The following PTPRD variants were observed in gnomAD, a reference collection of about 807,000 sequenced individuals.
PTPRD encodes the protein receptor-type tyrosine-protein phosphatase delta.
In PTPRD, 34 loss-of-function variants were observed where a neutral mutation model predicts 214.5. The observed-to-expected ratio is 0.16, with a 90% CI of 0.12 to 0.21. The LOEUF is 0.21. PTPRD is among the 10% of genes least tolerant of loss of function. The pLI is 1.00. For synonymous variants in PTPRD, 1,128 were observed against 845.7 expected (o/e 1.33, Z -5.79); for missense variants, 2,545 against 2,398.7 (o/e 1.06, Z -1.27).
intron 14 of PTPRD, among the ~76,000 whole-genome samples, chr9:8,575,985 C>A (rs2092300198): frequency 6.6e-6 from 1 of 152,160 alleles, no homozygotes; most frequent in Non-Finnish European, 1.5e-5. Flanking sequence ...GGTCAGTTTA[C>A]ATTTACAAAT....
intron 5 of PTPRD, among the ~76,000 whole-genome samples, chr9:9,936,299 A>C (rs1422019629): frequency 1.3e-4 from 19 of 151,698 alleles, no homozygotes; most frequent in African/African-American, 4.4e-4. Flanking sequence ...GCAACCTAAA[A>C]AATGGGAGAA....
In PTPRD at chr9:9,831,937, G is replaced by T. The variant is rs149097743; in HGVS notation, c.-367-65086C>A. Among the ~76,000 whole-genome samples, 1,418 of 152,020 alleles carry T rather than the reference G, an allele frequency of 9.3e-3. 12 individuals are homozygous for T. The highest frequency in any genetic ancestry group is 0.012 in the Non-Finnish European group (839 of 67,930). On this transcript the variant is annotated intron_variant, in intron 5 of 45. Coordinates refer to ENST00000381196, the MANE Select transcript of PTPRD (RefSeq NM_002839.4). ...GGTTGGCAAAAATGTGGACCCAACCGCGAATCTCATTAAGTGGCATTTCAA... is the reference window on the plus strand; with the variant it reads ...GGTTGGCAAAAATGTGGACCCAACCTCGAATCTCATTAAGTGGCATTTCAA...
intron 9 of PTPRD, among the ~76,000 whole-genome samples, chr9:9,268,489 T>G (rs2132598940): frequency 6.6e-6 from 1 of 151,334 alleles, no homozygotes; most frequent in African/African-American, 2.4e-5. Flanking sequence ...TCCAATGGCA[T>G]TTTCCACAGA....
intron 2 of PTPRD, among the ~76,000 whole-genome samples, chr9:10,460,461 T>TC (rs2098950587): frequency 6.6e-6 from 1 of 151,650 alleles, no homozygotes; most frequent in African/African-American, 2.4e-5. Context: ...ACATCATACT[T>TC]CCTGATTCAA....
At chr9:10,003,638 G>A (rs575499974) in intron 4 of PTPRD, among the ~76,000 whole-genome samples, 2 of 151,540 alleles carry the variant, frequency 1.3e-5, no homozygotes, top group Non-Finnish European at 3.0e-5. Context: ...AACCCAATAA[G>A]ATTAATATTG....
intron 9 of PTPRD, among the ~76,000 whole-genome samples, chr9:9,318,058 C>G (rs1964276621): frequency 6.6e-6 from 1 of 151,968 alleles, no homozygotes; most frequent in Non-Finnish European, 1.5e-5. Flanking sequence ...GTAATCCCAG[C>G]TACTTGGGAA....
rs141020799 is a variant in PTPRD, at chr9:10,084,064, T to A, written c.-544-50274A>T. On this transcript the variant is annotated intron_variant, in intron 3 of 45. Transcript: ENST00000381196. ...AATCTCCTAAGCCTCTATATCCCAA[T>A]TTTAGAAACACAGTTAATAATAGGC... is the stretch of plus-strand genomic sequence containing the variant. Among the ~76,000 whole-genome samples the A allele has an allele frequency of 5.4e-3, 814 of 152,044 alleles. 10 individuals carry two copies. Among genetic ancestry groups the A allele is most frequent in the African/African-American group, 0.019 (778 of 41,528 alleles).
At chr9:8,660,512 T>C (rs1001417144) in intron 12 of PTPRD, among the ~76,000 whole-genome samples, 8 of 152,134 alleles carry the variant, frequency 5.3e-5, no homozygotes, top group African/African-American at 1.9e-4. Context: ...CTGAGTCTGC[T>C]TTATTGGTTA....
intron 17 of PTPRD, 119 bp downstream of exon 17, chr9:8,526,505 GAAA>G: frequency 1.6e-6 from 1 of 623,788 alleles, no homozygotes; most frequent in Non-Finnish European, 2.4e-6. Flanking sequence ...ACAGTACAAA[GAAA>G]AAAAAAAAGT....
intron 11 of PTPRD, among the ~76,000 whole-genome samples, chr9:8,754,110 A>C (rs185712463): frequency 6.6e-6 from 1 of 152,232 alleles, no homozygotes; most frequent in East Asian, 1.9e-4. Flanking sequence ...GCACCACTGC[A>C]CTCCAGCCTG....
At chr9:9,736,335 G>A (rs986744186) in intron 6 of PTPRD, among the ~76,000 whole-genome samples, 1 of 151,918 alleles carries the variant, frequency 6.6e-6, no homozygotes. Flanking sequence ...TCTTATTTAT[G>A]AGATTCATTC....
chr9:8,599,910 G>C (rs977414072), intron 14 of PTPRD, among the ~76,000 whole-genome samples: 1 of 152,058 alleles, frequency 6.6e-6, no homozygotes, highest in South Asian at 2.1e-4. Flanking sequence ...GAGCCACGGC[G>C]CCTGGCCGGC....
chr9:9,916,882 C>T (rs967375415), intron 5 of PTPRD, among the ~76,000 whole-genome samples: 5 of 151,636 alleles, frequency 3.3e-5, no homozygotes, highest in Admixed American at 6.6e-5. Context: ...TCCCATTGAT[C>T]ACAATAGAAT....
chr9:9,340,727 G>A (rs967850464), intron 9 of PTPRD, among the ~76,000 whole-genome samples: 1 of 152,160 alleles, frequency 6.6e-6, no homozygotes, highest in African/African-American at 2.4e-5. Context: ...CTTACTTATA[G>A]GAATTAATAC....
intron 5 of PTPRD, among the ~76,000 whole-genome samples, chr9:9,824,296 C>T (rs1177797669): frequency 2.6e-5 from 4 of 152,058 alleles, no homozygotes; most frequent in East Asian, 3.9e-4. Context: ...ACTATTTCTA[C>T]TTTCTTCATT....
intron 9 of PTPRD, among the ~76,000 whole-genome samples, chr9:9,238,571 G>T (rs931491869): frequency 1.3e-5 from 2 of 152,052 alleles, no homozygotes; most frequent in African/African-American, 4.8e-5. Context: ...GTCTTGACTG[G>T]AGGACACAGT....
At chr9:9,708,430 C>T (rs1027057223) in intron 7 of PTPRD, among the ~76,000 whole-genome samples, 1 of 152,034 alleles carries the variant, frequency 6.6e-6, no homozygotes, top group Non-Finnish European at 1.5e-5. Context: ...TCAGCCATGT[C>T]TCCTTGGGAG....
intron 3 of PTPRD, among the ~76,000 whole-genome samples, chr9:10,322,084 G>T (rs12376577): frequency 1.3e-5 from 2 of 151,794 alleles, no homozygotes; most frequent in Non-Finnish European, 2.9e-5. Flanking sequence ...TGAACCATCC[G>T]CATGAGGGTT....
chr9:10,582,457 T>C (rs2072255553), intron 2 of PTPRD, among the ~76,000 whole-genome samples: 1 of 152,206 alleles, frequency 6.6e-6, no homozygotes, highest in South Asian at 2.1e-4. Flanking sequence ...CTCAGCTGTA[T>C]ATTTTGTTAG....
Sources: gnomAD v4.1 joint callset for allele counts (sites outside exome capture counted in the v4.1 genomes callset) on GRCh38, gnomAD v4.1.1 for gene constraint, MANE v1.5 for transcripts, NCBI Gene and HGNC (gene_info 2026-07-23, HGNC 2026-07-21) for gene names.